DARS1: variants seen among roughly 807,000 people sequenced by gnomAD.
DARS1 encodes aspartyl-tRNA synthetase 1, also known as aspartate--tRNA ligase, cytoplasmic.
In DARS1, 51 loss-of-function variants were observed where a neutral mutation model predicts 68.8. The observed-to-expected ratio is 0.74, with a 90% CI of 0.59 to 0.94. The LOEUF is 0.94. DARS1 is among the 40% of genes least tolerant of loss of function. The pLI is 0.00. For missense variants in DARS1, 607 were observed against 597.3 expected (o/e 1.02, Z -0.17); for synonymous variants, 203 against 190.4 (o/e 1.07, Z -0.55).
chr2:135,930,149 C>A (rs1459163342), intron 7 of DARS1, among the ~76,000 whole-genome samples: 1 of 152,140 alleles, frequency 6.6e-6, no homozygotes, highest in Non-Finnish European at 1.5e-5. Context: ...CATTCATTAA[C>A]CCACAGGGTC....
intron 3 of DARS1, among the ~76,000 whole-genome samples, chr2:135,967,740 C>T (rs944493345): frequency 6.6e-6 from 1 of 152,076 alleles, no homozygotes; most frequent in African/African-American, 2.4e-5. Flanking sequence ...TTTGACACTT[C>T]CATTTCCTTA....
In DARS1 at chr2:135,911,393, T is replaced by C. The variant is rs920635769; in HGVS notation, c.1331A>G (p.His444Arg). ...TTTAAGTTGTTTACCAATTCCATGATGTAAAGCTCTCTCTGTTAGCAGTTG... is the reference window on the plus strand; with the variant it reads ...TTTAAGTTGTTTACCAATTCCATGACGTAAAGCTCTCTCTGTTAGCAGTTG... ...DPQLLTERAL[H>R]HGIDLEKIKA... The change falls in exon 14 of 16, where the codon CAT (histidine) becomes CGT (arginine). Residue 444 changes from histidine to arginine, a missense_variant. Physicochemically the swap from His to Arg is conservative, Grantham distance 29 (BLOSUM62 0). Transcript: ENST00000264161. The C allele has an allele frequency of 2.1e-6, 2 of 948,780 alleles. No individual in the cohort carries two copies. The highest frequency in any genetic ancestry group is 3.5e-6 in the Non-Finnish European group (2 of 573,262). 58.8% of individuals were successfully genotyped at this position (948,780 alleles called of 1,614,324 possible).
At chr2:135,971,206 A>C (rs530051571) in intron 3 of DARS1, among the ~76,000 whole-genome samples, 1 of 152,214 alleles carries the variant, frequency 6.6e-6, no homozygotes, top group Non-Finnish European at 1.5e-5. Context: ...AATACTAGCA[A>C]ACCAAATTCA....
At chr2:135,926,309 T>G (rs1263436020) in intron 7 of DARS1, among the ~76,000 whole-genome samples, 2 of 152,196 alleles carry the variant, frequency 1.3e-5, no homozygotes, top group Admixed American at 1.3e-4. Context: ...CTTCTTCACT[T>G]CCTGATTGTA....
In DARS1 at chr2:135,912,590, A is replaced by G. The variant is rs755023294; in HGVS notation, c.1150-24T>C. 2.6e-5 allele frequency: 20 copies of G among 776,276 alleles called. No homozygotes were observed. In the Admixed American group the frequency reaches 4.5e-4, roughly 17 times the overall value. The allele number at this position is 776,276 out of a possible 1,614,324, so 48.1% of individuals were successfully genotyped here. On this transcript the variant is annotated intron_variant, in intron 12 of 15. Transcript: ENST00000264161. Reference sequence around the variant, plus strand: ...TACTATAAAAAGAATAAATGCAATTAAAATACATTTTTAAAAAGTAAAATG... The same window carrying G: ...TACTATAAAAAGAATAAATGCAATTGAAATACATTTTTAAAAAGTAAAATG...
At position 135,984,746 on chromosome 2, in the gene DARS1, C is replaced by T. The variant is rs375808076; in HGVS notation, c.66+657G>A. On this transcript the variant is annotated intron_variant, in intron 1 of 15. Transcript: ENST00000264161. ...ATTAAGGCTTAACAGTACTACAGCACACATAACTTGTAGGATGGTTTCAAA... is the reference window on the plus strand; with the variant it reads ...ATTAAGGCTTAACAGTACTACAGCATACATAACTTGTAGGATGGTTTCAAA... Among the ~76,000 whole-genome samples, 5 of 152,258 alleles carry T rather than the reference C, an allele frequency of 3.3e-5. No individual in the cohort carries two copies. In the East Asian group the frequency reaches 9.6e-4, roughly 29 times the overall value.
intron 1 of DARS1, among the ~76,000 whole-genome samples, chr2:135,984,154 T>C (rs1284338686): frequency 6.6e-6 from 1 of 152,236 alleles, no homozygotes; most frequent in African/African-American, 2.4e-5. Context: ...ATTAAATAGA[T>C]AAGTGGCCTT....
intron 7 of DARS1, 34 bp from the exon 8 acceptor site, chr2:135,924,532 C>T (rs1310895798): frequency 1.9e-5 from 30 of 1,583,492 alleles, no homozygotes; most frequent in African/African-American, 5.5e-5. Context: ...ATTAAATCAA[C>T]GTACTTAATT....
chr2:135,979,769 C>T (rs908640217), intron 2 of DARS1, among the ~76,000 whole-genome samples: 1 of 152,210 alleles, frequency 6.6e-6, no homozygotes, highest in Admixed American at 6.5e-5. Flanking sequence ...ACAGCCTATC[C>T]TGCCTAGGAC....
At chr2:135,966,061 T>G (rs1055807177) in intron 3 of DARS1, among the ~76,000 whole-genome samples, 3 of 152,186 alleles carry the variant, frequency 2.0e-5, no homozygotes, top group African/African-American at 7.2e-5. Context: ...ACCTTCCACA[T>G]GCTGAGAGAT....
chr2:135,917,154 G>A (rs1057481907), intron 10 of DARS1, among the ~76,000 whole-genome samples: 1 of 151,504 alleles, frequency 6.6e-6, no homozygotes, highest in Non-Finnish European at 1.5e-5. Flanking sequence ...AGCAAGACTC[G>A]TCTCAAAAAA....
chr2:135,911,007 A>G (rs1680884431), intron 15 of DARS1, 132 bp downstream of exon 15: 2 of 585,886 alleles, frequency 3.4e-6, no homozygotes, highest in Admixed American at 3.3e-5. Flanking sequence ...CACACAAGTT[A>G]GCTGTTTATT....
intron 4 of DARS1, among the ~76,000 whole-genome samples, chr2:135,954,159 T>C (rs1421307630): frequency 6.6e-6 from 1 of 151,754 alleles, no homozygotes; most frequent in African/African-American, 2.4e-5. Context: ...GGAGCTATAA[T>C]GTGGAGGGTT....
At chr2:135,922,040 C>G (rs1051862528) in intron 9 of DARS1, among the ~76,000 whole-genome samples, 1 of 152,146 alleles carries the variant, frequency 6.6e-6, no homozygotes, top group Non-Finnish European at 1.5e-5. Context: ...TGGCTTTTCA[C>G]TTACAATTAG....
intron 7 of DARS1, among the ~76,000 whole-genome samples, chr2:135,930,693 C>G (rs569033849): frequency 6.6e-6 from 1 of 152,130 alleles, no homozygotes; most frequent in Non-Finnish European, 1.5e-5. Flanking sequence ...TTTGAACCAA[C>G]GAATCCATTT....
intron 1 of DARS1, 150 bp downstream of exon 1, chr2:135,985,253 C>A: frequency 7.6e-7 from 1 of 1,319,166 alleles, no homozygotes; most frequent in Non-Finnish European, 1.0e-6. Flanking sequence ...ACTGCTGGGG[C>A]AAGGGCTCTA....
At chr2:135,966,462 A>G (rs2104838425) in intron 3 of DARS1, among the ~76,000 whole-genome samples, 1 of 152,324 alleles carries the variant, frequency 6.6e-6, no homozygotes, top group South Asian at 2.1e-4. Context: ...TTTCCAACAC[A>G]AAAGACAGTT....
intron 5 of DARS1, among the ~76,000 whole-genome samples, chr2:135,942,188 T>C (rs1681617379): frequency 6.6e-6 from 1 of 152,116 alleles, no homozygotes; most frequent in Non-Finnish European, 1.5e-5. Context: ...CATGCTGCTA[T>C]AAAGACACAT....
chr2:135,946,526 G>C lies in DARS1; in HGVS notation c.321-3046C>G, dbSNP rs75843843. Among the ~76,000 whole-genome samples, 1,276 of 152,294 alleles carry C rather than the reference G, an allele frequency of 8.4e-3. 14 individuals carry two copies. Among genetic ancestry groups the C allele is most frequent in the African/African-American group, 0.027 (1,132 of 41,578 alleles). On this transcript the variant is annotated intron_variant, in intron 4 of 15. Transcript: ENST00000264161. ...AGAAAGGGTAGGCGGAATGAAGGAA[G>C]TTGAATTATTTTCTTTCCCTCAATG...
Sources: allele counts gnomAD v4.1 joint callset (sites outside exome capture counted in the v4.1 genomes callset), GRCh38; gene constraint gnomAD v4.1.1; transcripts MANE v1.5; gene names NCBI Gene and HGNC (gene_info 2026-07-23, HGNC 2026-07-21).